The following SLC25A21 variants were observed in gnomAD, a reference collection of about 807,000 sequenced individuals.
The protein encoded by SLC25A21 is solute carrier family 25 member 21, also known as mitochondrial 2-oxodicarboxylate carrier.
SLC25A21 carries 47 observed loss-of-function variants against 43.8 expected under a neutral mutation model. That is an observed-to-expected ratio of 1.07 (90% CI 0.85 to 1.37). The LOEUF is 1.37. Ranked by LOEUF, SLC25A21 falls within the 40% of genes most tolerant of loss-of-function variation. The pLI, the probability that SLC25A21 is intolerant of heterozygous loss-of-function variation, is 0.00. For missense variants in SLC25A21, 352 were observed against 350.2 expected (o/e 1.00, Z -0.04); for synonymous variants, 131 against 121.3 (o/e 1.08, Z -0.52).
chr14:36,814,990 T>C (rs1347964601), intron 2 of SLC25A21, among the ~76,000 whole-genome samples: 1 of 151,980 alleles, frequency 6.6e-6, no homozygotes, highest in African/African-American at 2.4e-5. Flanking sequence ...TATGCAGCAA[T>C]AAAAAAGAAT....
At chr14:36,770,904 G>GT (rs1356379089) in intron 3 of SLC25A21, among the ~76,000 whole-genome samples, 1 of 152,100 alleles carries the variant, frequency 6.6e-6, no homozygotes, top group Non-Finnish European at 1.5e-5. Context: ...TTATTTAGAC[G>GT]TTGTTTAACT....
At chr14:36,896,791 C>G (rs1235932774) in intron 1 of SLC25A21, among the ~76,000 whole-genome samples, 2 of 152,162 alleles carry the variant, frequency 1.3e-5, no homozygotes, top group Non-Finnish European at 2.9e-5. Context: ...TTCTCCTTCA[C>G]TTCTGAAGCT....
At chr14:37,123,842 A>C (rs1963252488) in intron 1 of SLC25A21, among the ~76,000 whole-genome samples, 1 of 152,150 alleles carries the variant, frequency 6.6e-6, no homozygotes, top group South Asian at 2.1e-4. Flanking sequence ...TGGGTGACAT[A>C]GTGAGAACTC....
intron 1 of SLC25A21, among the ~76,000 whole-genome samples, chr14:36,940,616 G>A (rs768158964): frequency 5.3e-5 from 8 of 152,002 alleles, no homozygotes; most frequent in African/African-American, 4.8e-5. Flanking sequence ...CAAGCAACTC[G>A]ATTACACAAT....
chr14:36,781,947 G>T (rs1214590275), intron 3 of SLC25A21, among the ~76,000 whole-genome samples: 2 of 152,064 alleles, frequency 1.3e-5, no homozygotes, highest in African/African-American at 4.8e-5. Flanking sequence ...AAATCCTTTG[G>T]CTTTCACCTG....
At chr14:36,966,074 A>C (rs1256009545) in intron 1 of SLC25A21, among the ~76,000 whole-genome samples, 1 of 152,194 alleles carries the variant, frequency 6.6e-6, no homozygotes, top group Admixed American at 6.5e-5. Flanking sequence ...ACAAACAAAA[A>C]AATGCTACAT....
intron 1 of SLC25A21, among the ~76,000 whole-genome samples, chr14:36,904,913 G>A (rs561395258): frequency 2.6e-5 from 4 of 152,274 alleles, no homozygotes; most frequent in Non-Finnish European, 5.9e-5. Flanking sequence ...CTCGTGTTAT[G>A]AAGGGCCCCC....
intron 1 of SLC25A21, among the ~76,000 whole-genome samples, chr14:36,919,114 T>C (rs1459305338): frequency 6.6e-6 from 1 of 151,994 alleles, no homozygotes; most frequent in African/African-American, 2.4e-5. Context: ...AATGAATGAA[T>C]GGTGTATACT....
intron 1 of SLC25A21, among the ~76,000 whole-genome samples, chr14:37,155,226 T>C (rs958832315): frequency 6.6e-6 from 1 of 152,178 alleles, no homozygotes; most frequent in African/African-American, 2.4e-5. Flanking sequence ...TTTGCCACCA[T>C]GCCTGGCTAA....
At chr14:36,924,322 T>C (rs1454471994) in intron 1 of SLC25A21, among the ~76,000 whole-genome samples, 1 of 152,154 alleles carries the variant, frequency 6.6e-6, no homozygotes, top group Non-Finnish European at 1.5e-5. Context: ...GTGGCACATA[T>C]ACACCATGGA....
intron 7 of SLC25A21, among the ~76,000 whole-genome samples, chr14:36,691,918 T>C (rs1378498277): frequency 6.6e-6 from 1 of 152,230 alleles, no homozygotes; most frequent in East Asian, 1.9e-4. Context: ...ATGCATTGAC[T>C]TTATTCTGTG....
chr14:37,138,723 A>G (rs577959903), intron 1 of SLC25A21, among the ~76,000 whole-genome samples: 4 of 152,168 alleles, frequency 2.6e-5, no homozygotes, highest in African/African-American at 9.6e-5. Flanking sequence ...CTCCTTAAAA[A>G]TCTTCTATAT....
chr14:37,136,960 A>T, intron 1 of SLC25A21, among the ~76,000 whole-genome samples: 1 of 152,104 alleles, frequency 6.6e-6, no homozygotes, highest in East Asian at 1.9e-4. Context: ...AGCAGTGAGA[A>T]CTATTCTGTA....
rs542283781 is a variant in SLC25A21 at position 36,831,051 on chromosome 14, T to G, written c.120-17050A>C. Among the ~76,000 whole-genome samples, 8 of 152,212 alleles carry G rather than the reference T, an allele frequency of 5.3e-5. No individual in the cohort carries two copies. The South Asian group carries it at 1.7e-3, about 31-fold the overall frequency. Reference sequence around the variant, plus strand: ...ATAGCAATTTATATTTGTTTTATCATGTTTTTCCTAAACAATGACTACATA... The same window carrying G: ...ATAGCAATTTATATTTGTTTTATCAGGTTTTTCCTAAACAATGACTACATA... On this transcript the variant is annotated intron_variant, in intron 2 of 9. Coordinates refer to ENST00000331299, the MANE Select transcript of SLC25A21 (RefSeq NM_030631.4).
Position 36,680,442 on chromosome 14 carries a change from T to G in SLC25A21, c.*216A>C. On this transcript the variant is annotated 3_prime_UTR_variant, in exon 10 of 10. Transcript: ENST00000331299. ...TATTCACTTTAAATACCTCATTGTT[T>G]CATATTATTTTTTTCTTCTCACAGT... 8.5e-7 allele frequency: 1 copy of G among 1,179,588 alleles called. No homozygotes were observed. Among genetic ancestry groups the G allele is most frequent in the Non-Finnish European group, 1.1e-6 (1 of 947,452 alleles). The allele number at this position is 1,179,588 out of a possible 1,614,324, so 73.1% of individuals were successfully genotyped here.
chr14:37,052,750 T>G (rs1961736852), intron 1 of SLC25A21, among the ~76,000 whole-genome samples: 1 of 152,106 alleles, frequency 6.6e-6, no homozygotes, highest in Admixed American at 6.5e-5. Flanking sequence ...GCGATTCTTG[T>G]GCCTCAGCCT....
intron 1 of SLC25A21, among the ~76,000 whole-genome samples, chr14:36,969,258 G>C (rs896054757): frequency 2.6e-5 from 4 of 152,170 alleles, no homozygotes; most frequent in East Asian, 3.9e-4. Flanking sequence ...AATAGAGCTT[G>C]TGTGCTGAGC....
intron 2 of SLC25A21, among the ~76,000 whole-genome samples, chr14:36,843,932 A>C (rs534386262): frequency 6.6e-6 from 1 of 152,304 alleles, no homozygotes; most frequent in South Asian, 2.1e-4. Flanking sequence ...GTCTTTCAAG[A>C]CATTGACCTG....
chr14:37,037,980 C>T (rs1961364968), intron 1 of SLC25A21, among the ~76,000 whole-genome samples: 1 of 152,110 alleles, frequency 6.6e-6, no homozygotes, highest in African/African-American at 2.4e-5. Context: ...TTGTTCTTTC[C>T]TTTGCATTTT....
Sources: gnomAD v4.1 joint callset for allele counts (sites outside exome capture counted in the v4.1 genomes callset) on GRCh38, gnomAD v4.1.1 for gene constraint, MANE v1.5 for transcripts, NCBI Gene and HGNC (gene_info 2026-07-23, HGNC 2026-07-21) for gene names.